Variants in FAF1 observed in about 807,000 individuals in gnomAD.
FAF1 encodes the protein FAS-associated factor 1.
Under a neutral mutation model 92.5 loss-of-function variants are expected in FAF1, and 25 were observed. That is an observed-to-expected ratio of 0.27 (90% CI 0.20 to 0.38). The LOEUF (loss-of-function observed/expected upper bound fraction) is 0.38, where lower values mean the gene tolerates loss of function less well. FAF1 is among the 10% of genes least tolerant of loss of function. The pLI, the probability that FAF1 is intolerant of heterozygous loss-of-function variation, is 1.00. For synonymous variants in FAF1, 234 were observed against 273.2 expected (o/e 0.86, Z 1.42); for missense variants, 636 against 793.3 (o/e 0.80, Z 2.38).
rs186976729 is a variant in FAF1 at position 50,752,603 on chromosome 1, A to G, written c.368-7828T>C. 3.2e-3 allele frequency among the ~76,000 whole-genome samples: 488 copies of G among 151,802 alleles called. 14 individuals carry two copies. Among genetic ancestry groups the G allele is most frequent in the Admixed American group, 0.028 (421 of 15,246 alleles). On this transcript the variant is annotated intron_variant, in intron 4 of 18. Transcript: ENST00000396153. ...TGTTCATTTTCTCTACTACTTATCC[A>G]TTTTCCACTTACTGTTTTCTGCTCT...
intron 2 of FAF1, among the ~76,000 whole-genome samples, chr1:50,809,474 T>C (rs1662337338): frequency 6.6e-6 from 1 of 152,074 alleles, no homozygotes; most frequent in Non-Finnish European, 1.5e-5. Context: ...ACTCAGAGAC[T>C]GCTATGAACA....
Position 50,441,422 on chromosome 1 carries a change from TC to T in FAF1, c.*17del, listed in dbSNP as rs543370954. 88 of 1,479,930 alleles carry T rather than the reference TC, an allele frequency of 5.9e-5. No homozygotes were observed. The highest frequency in any genetic ancestry group is 3.5e-4 in the South Asian group (27 of 76,970). 91.7% of individuals were successfully genotyped at this position (1,479,930 alleles called of 1,614,324 possible). ...GCTGGCTTGTCAAGGAATGGCTGGT[TC>T]CACCGCTGGGCCGTGTTTACTCTTT... On this transcript the variant is annotated 3_prime_UTR_variant, in exon 19 of 19. Coordinates refer to ENST00000396153, the MANE Select transcript of FAF1 (RefSeq NM_007051.3).
chr1:50,726,835 G>C (rs1658680616), intron 6 of FAF1, among the ~76,000 whole-genome samples: 1 of 151,996 alleles, frequency 6.6e-6, no homozygotes, highest in South Asian at 2.1e-4. Flanking sequence ...TCTCAAAAAA[G>C]AAAGAAAGAA....
intron 7 of FAF1, among the ~76,000 whole-genome samples, chr1:50,660,485 G>A (rs888725663): frequency 6.6e-6 from 1 of 151,452 alleles, no homozygotes. Flanking sequence ...TCGAGGCAGA[G>A]AACTAGATTT....
intron 1 of FAF1, among the ~76,000 whole-genome samples, chr1:50,921,973 C>A (rs1044214268): frequency 4.7e-5 from 7 of 150,444 alleles, no homozygotes; most frequent in Non-Finnish European, 1.0e-4. Flanking sequence ...TCAAGACCAG[C>A]CCGGCTAACA....
At chr1:50,542,570 A>G (rs1217268505) in intron 13 of FAF1, among the ~76,000 whole-genome samples, 2 of 152,240 alleles carry the variant, frequency 1.3e-5, no homozygotes, top group East Asian at 3.8e-4. Flanking sequence ...ATCCAGTGGC[A>G]GGGCCAAAGT....
chr1:50,656,625 G>A (rs919515724), intron 7 of FAF1, among the ~76,000 whole-genome samples: 1 of 152,190 alleles, frequency 6.6e-6, no homozygotes, highest in Non-Finnish European at 1.5e-5. Context: ...GCTCACGCCT[G>A]TAATCCTAGC....
In FAF1 at chr1:50,601,692, C is replaced by CAT. The variant is rs754925660; in HGVS notation, c.745-5478_745-5477dup. 2.4e-3 allele frequency among the ~76,000 whole-genome samples: 355 copies of CAT among 147,946 alleles called. 1 individual carries two copies. Among genetic ancestry groups the CAT allele is most frequent in the African/African-American group, 4.1e-3 (163 of 39,758 alleles). Reference sequence around the variant, plus strand: ...CAGTCTCAAACAATACATATATATTCATATATATATATATACACACACACA... The same window carrying CAT: ...CAGTCTCAAACAATACATATATATTCATATATATATATATATACACACACACA... On this transcript the variant is annotated intron_variant, in intron 8 of 18. Coordinates refer to ENST00000396153, the MANE Select transcript of FAF1 (RefSeq NM_007051.3).
At chr1:50,888,606 A>T (rs543619538) in intron 1 of FAF1, among the ~76,000 whole-genome samples, 2 of 152,120 alleles carry the variant, frequency 1.3e-5, no homozygotes, top group Non-Finnish European at 2.9e-5. Context: ...ATTTTGTCAA[A>T]GGCCTTTTCT....
At chr1:50,655,596 T>TA in intron 7 of FAF1, 68 bp from the exon 8 acceptor site, 2 of 968,866 alleles carry the variant, frequency 2.1e-6, no homozygotes, top group Non-Finnish European at 3.3e-6. Context: ...CCAATCAATT[T>TA]ATGAGACATA....
At chr1:50,909,881 A>C (rs969015240) in intron 1 of FAF1, among the ~76,000 whole-genome samples, 1 of 151,994 alleles carries the variant, frequency 6.6e-6, no homozygotes, top group African/African-American at 2.4e-5. Context: ...TCTTGTCTCA[A>C]CTCGTCAAAG....
chr1:50,499,479 C>T (rs891669724), intron 15 of FAF1, among the ~76,000 whole-genome samples: 4 of 150,994 alleles, frequency 2.6e-5, no homozygotes, highest in Admixed American at 6.6e-5. Context: ...TGTCTGATGC[C>T]GTCTCTGCAT....
At chr1:50,683,027 G>A (rs557227853) in intron 7 of FAF1, among the ~76,000 whole-genome samples, 15 of 151,276 alleles carry the variant, frequency 9.9e-5, no homozygotes, top group South Asian at 6.3e-4. Context: ...GCAAGACTCC[G>A]TCACAAAAAA....
intron 7 of FAF1, among the ~76,000 whole-genome samples, chr1:50,668,121 G>A (rs1198123032): frequency 3.3e-5 from 5 of 152,172 alleles, no homozygotes; most frequent in African/African-American, 9.6e-5. Context: ...GGGACTTAGT[G>A]TTGGGGTCTG....
At chr1:50,763,115 G>A (rs923982531) in intron 4 of FAF1, among the ~76,000 whole-genome samples, 3 of 151,870 alleles carry the variant, frequency 2.0e-5, no homozygotes, top group Non-Finnish European at 4.4e-5. Context: ...AAATTAGCTG[G>A]GGCATGGTGG....
chr1:50,866,608 A>G (rs1267084243), intron 1 of FAF1, among the ~76,000 whole-genome samples: 1 of 152,126 alleles, frequency 6.6e-6, no homozygotes, highest in African/African-American at 2.4e-5. Context: ...AAAACAAAAA[A>G]CAAAAAACCT....
At chr1:50,754,302 T>C (rs1659989189) in intron 4 of FAF1, among the ~76,000 whole-genome samples, 1 of 152,246 alleles carries the variant, frequency 6.6e-6, no homozygotes, top group Non-Finnish European at 1.5e-5. Flanking sequence ...GTTTTGCTTT[T>C]AAGATTTGTT....
intron 13 of FAF1, among the ~76,000 whole-genome samples, chr1:50,554,364 A>AATATATATATAT (rs149420376): frequency 6.0e-5 from 7 of 117,170 alleles, no homozygotes; most frequent in Non-Finnish European, 8.5e-5. Flanking sequence ...AAATGAGGTA[A>AATATATATATAT]ATATATATAT....
At chr1:50,953,730 ACT>A (rs1211766625) in intron 1 of FAF1, among the ~76,000 whole-genome samples, 2 of 151,912 alleles carry the variant, frequency 1.3e-5, no homozygotes, top group Non-Finnish European at 2.9e-5. Flanking sequence ...CAAAAGCGAA[ACT>A]CTGTCTCAAA....
Sources: allele counts gnomAD v4.1 joint callset (sites outside exome capture counted in the v4.1 genomes callset), GRCh38; gene constraint gnomAD v4.1.1; transcripts MANE v1.5; gene names NCBI Gene and HGNC (gene_info 2026-07-23, HGNC 2026-07-21).